ZNF385D: variants seen among roughly 807,000 people sequenced by gnomAD.
ZNF385D encodes zinc finger protein 385D.
A neutral mutation model predicts 35.8 loss-of-function variants in ZNF385D; 15 were observed. The ratio of observed to expected loss-of-function variants is 0.42; its 90% CI spans 0.28 to 0.64. The LOEUF (loss-of-function observed/expected upper bound fraction) is 0.64, where lower values mean the gene tolerates loss of function less well. Ranked by LOEUF, ZNF385D falls within the 30% of genes least tolerant of loss-of-function variation. ZNF385D has a pLI of 0.23. For synonymous variants in ZNF385D, 212 were observed against 186.8 expected, an observed-to-expected ratio of 1.13 and a Z score of -1.10; for missense variants, 474 against 494.6, an observed-to-expected ratio of 0.96 and a Z score of 0.39.
At chr3:21,828,803 G>T (rs1694815916) in intron 3 of ZNF385D, among the ~76,000 whole-genome samples, 1 of 152,186 alleles carries the variant, frequency 6.6e-6, no homozygotes, top group Non-Finnish European at 1.5e-5. Flanking sequence ...TGGTTTTTCT[G>T]TAGGCTTTAG....
intron 1 of ZNF385D, among the ~76,000 whole-genome samples, chr3:21,683,366 C>T (rs1454548042): frequency 6.7e-6 from 1 of 149,800 alleles, no homozygotes; most frequent in African/African-American, 2.5e-5. Flanking sequence ...CATTTGTAAT[C>T]CCAGCACTTT....
At chr3:21,948,363 T>C (rs1701897549) in intron 3 of ZNF385D, among the ~76,000 whole-genome samples, 3 of 150,158 alleles carry the variant, frequency 2.0e-5, no homozygotes, top group South Asian at 4.1e-4. Flanking sequence ...GAAACTCTTT[T>C]AGGAGGCAGG....
At chr3:21,619,161 C>T (rs2064930803) in intron 2 of ZNF385D, among the ~76,000 whole-genome samples, 1 of 152,136 alleles carries the variant, frequency 6.6e-6, no homozygotes, top group Admixed American at 6.6e-5. Flanking sequence ...GTCACCTCTC[C>T]CCACACTTTA....
chr3:22,245,005 G>A (rs1699697390), intron 2 of ZNF385D, among the ~76,000 whole-genome samples: 2 of 151,980 alleles, frequency 1.3e-5, no homozygotes, highest in African/African-American at 4.8e-5. Context: ...GTCTGCTCTT[G>A]CATCAGAATT....
At chr3:21,980,845 CTAAGGA>C (rs1259540367) in intron 3 of ZNF385D, among the ~76,000 whole-genome samples, 9 of 152,238 alleles carry the variant, frequency 5.9e-5, no homozygotes, top group South Asian at 4.1e-4. Flanking sequence ...AGTTAGTTTG[CTAAGGA>C]TAATAGCCTC....
chr3:21,930,506 G>A (rs1409092607), intron 3 of ZNF385D, among the ~76,000 whole-genome samples: 2 of 151,996 alleles, frequency 1.3e-5, no homozygotes, highest in African/African-American at 4.8e-5. Context: ...TAAGTATATA[G>A]AAATGCAAAT....
intron 3 of ZNF385D, among the ~76,000 whole-genome samples, chr3:21,765,812 C>T (rs1028411753): frequency 9.9e-5 from 15 of 151,932 alleles, no homozygotes; most frequent in African/African-American, 3.4e-4. Flanking sequence ...GCTAGGTAGG[C>T]TTTGGTTAAT....
At chr3:22,271,325 G>C (rs1701166207) in intron 2 of ZNF385D, among the ~76,000 whole-genome samples, 1 of 151,860 alleles carries the variant, frequency 6.6e-6, no homozygotes, top group Non-Finnish European at 1.5e-5. Context: ...GACTAATTTG[G>C]ATTCATTTTC....
At chr3:22,064,292 G>A (rs1699826810) in intron 3 of ZNF385D, among the ~76,000 whole-genome samples, 3 of 152,164 alleles carry the variant, frequency 2.0e-5, no homozygotes, top group Non-Finnish European at 1.5e-5. Context: ...TTAAGGAGTA[G>A]GAAATTTAAT....
intron 2 of ZNF385D, among the ~76,000 whole-genome samples, chr3:22,356,747 T>A (rs2125504930): frequency 6.6e-6 from 1 of 152,032 alleles, no homozygotes; most frequent in East Asian, 1.9e-4. Flanking sequence ...ATTTCTGAGT[T>A]TAGTCAATGC....
At chr3:21,807,230 AT>A (rs1337430997) in intron 3 of ZNF385D, among the ~76,000 whole-genome samples, 1 of 152,168 alleles carries the variant, frequency 6.6e-6, no homozygotes, top group Non-Finnish European at 1.5e-5. Context: ...GATATTTTGC[AT>A]TTTTTATAAG....
At chr3:21,618,397 G>C (rs1036290448) in intron 2 of ZNF385D, among the ~76,000 whole-genome samples, 2 of 152,172 alleles carry the variant, frequency 1.3e-5, no homozygotes, top group African/African-American at 4.8e-5. Flanking sequence ...CTTGTCTAAA[G>C]CCTTCAGAAG....
intron 3 of ZNF385D, among the ~76,000 whole-genome samples, chr3:21,840,185 A>C (rs1695573800): frequency 6.6e-6 from 1 of 152,094 alleles, no homozygotes. Flanking sequence ...CAGTGACAAC[A>C]GAGGGTATAC....
intron 2 of ZNF385D, among the ~76,000 whole-genome samples, chr3:22,176,507 T>C (rs2125771161): frequency 6.6e-6 from 1 of 152,302 alleles, no homozygotes; most frequent in Admixed American, 6.5e-5. Flanking sequence ...AAGTACAGTT[T>C]TTATCACATC....
At chr3:22,142,227 A>C (rs974041614) in intron 3 of ZNF385D, among the ~76,000 whole-genome samples, 4 of 152,134 alleles carry the variant, frequency 2.6e-5, no homozygotes, top group Non-Finnish European at 5.9e-5. Flanking sequence ...TAGTGTTTTT[A>C]CTATGTGTTT....
intron 3 of ZNF385D, among the ~76,000 whole-genome samples, chr3:22,044,486 C>T (rs1041106442): frequency 6.6e-6 from 1 of 151,950 alleles, no homozygotes; most frequent in Non-Finnish European, 1.5e-5. Context: ...AAGACACAGG[C>T]TGAAGCACTT....
intron 3 of ZNF385D, among the ~76,000 whole-genome samples, chr3:22,045,089 C>G (rs978051032): frequency 6.6e-6 from 1 of 151,840 alleles, no homozygotes; most frequent in African/African-American, 2.4e-5. Flanking sequence ...TTATTAGCTC[C>G]CATCGGATCC....
At chr3:22,233,267 C>T (rs1698998603) in intron 2 of ZNF385D, among the ~76,000 whole-genome samples, 1 of 152,050 alleles carries the variant, frequency 6.6e-6, no homozygotes, top group Non-Finnish European at 1.5e-5. Context: ...CAGATTAAGA[C>T]ACATACAACA....
At chr3:21,425,921 T>G (rs1253271286) in intron 5 of ZNF385D, among the ~76,000 whole-genome samples, 1 of 152,218 alleles carries the variant, frequency 6.6e-6, no homozygotes, top group Admixed American at 6.5e-5. Context: ...TCATTTTTTT[T>G]CTAATGCTCC....
Sources: allele counts gnomAD v4.1 joint callset (sites outside exome capture counted in the v4.1 genomes callset), GRCh38; gene constraint gnomAD v4.1.1; transcripts MANE v1.5; gene names NCBI Gene and HGNC (gene_info 2026-07-23, HGNC 2026-07-21).